GRID2: variants seen among roughly 807,000 people sequenced by gnomAD.
GRID2 encodes glutamate receptor ionotropic, delta-2.
A neutral mutation model predicts 114.8 loss-of-function variants in GRID2; 33 were observed. That is an observed-to-expected ratio of 0.29 (90% confidence interval 0.22 to 0.38). GRID2 has a LOEUF of 0.38. GRID2 is among the 10% of genes least tolerant of loss of function. The probability of loss-of-function intolerance (pLI) is 1.00; values close to 1 mark genes in which losing one functional copy is unlikely to be tolerated. For synonymous variants in GRID2, 505 were observed against 449.9 expected (o/e 1.12, Z -1.55); for missense variants, 1,184 against 1,257.7 (o/e 0.94, Z 0.89).
intron 1 of GRID2, among the ~76,000 whole-genome samples, chr4:92,589,387 G>A (rs774450571): frequency 2.0e-5 from 3 of 152,106 alleles, no homozygotes; most frequent in Non-Finnish European, 2.9e-5. Context: ...AACAAGTGAC[G>A]GTCAGTATTT....
intron 1 of GRID2, among the ~76,000 whole-genome samples, chr4:92,494,793 CAGT>C (rs935738071): frequency 1.3e-5 from 2 of 151,964 alleles, no homozygotes; most frequent in African/African-American, 4.8e-5. Context: ...GCTATGTACA[CAGT>C]AGCCATTTAG....
chr4:92,384,459 T>C (rs1173413075), intron 1 of GRID2, among the ~76,000 whole-genome samples: 5 of 56,894 alleles, frequency 8.8e-5, no homozygotes, highest in Non-Finnish European at 1.2e-4. Context: ...TATATATATA[T>C]ATATATATAT....
chr4:93,331,614 G>C (rs570113004), intron 8 of GRID2, among the ~76,000 whole-genome samples: 12 of 152,218 alleles, frequency 7.9e-5, no homozygotes, highest in African/African-American at 2.9e-4. Context: ...GCCTAGAAGA[G>C]TGGCTAGCAA....
chr4:93,485,652 T>C (rs1726313455), intron 11 of GRID2, among the ~76,000 whole-genome samples: 1 of 151,774 alleles, frequency 6.6e-6, no homozygotes, highest in South Asian at 2.1e-4. Context: ...CTATAGTACA[T>C]ACTTTAGTGC....
At chr4:92,758,088 AAGG>A (rs1461113614) in intron 2 of GRID2, among the ~76,000 whole-genome samples, 2 of 152,088 alleles carry the variant, frequency 1.3e-5, no homozygotes, top group African/African-American at 4.8e-5. Context: ...TAATTTCAAT[AAGG>A]AGAACAGATT....
At chr4:93,404,851 C>T (rs1766254709) in intron 9 of GRID2, among the ~76,000 whole-genome samples, 1 of 152,052 alleles carries the variant, frequency 6.6e-6, no homozygotes, top group Non-Finnish European at 1.5e-5. Flanking sequence ...GATATTCTAT[C>T]AAGAATTTAA....
intron 4 of GRID2, among the ~76,000 whole-genome samples, chr4:93,174,120 C>A (rs1739114518): frequency 6.6e-6 from 1 of 152,144 alleles, no homozygotes. Context: ...TTTCACAAGT[C>A]TTACATTCAC....
At chr4:92,924,254 TG>T (rs1309013782) in intron 2 of GRID2, among the ~76,000 whole-genome samples, 3 of 151,986 alleles carry the variant, frequency 2.0e-5, no homozygotes, top group African/African-American at 7.2e-5. Context: ...TGTTGTGTGT[TG>T]GGAGGAGTGG....
chr4:93,324,662 G>C (rs1384903230), intron 8 of GRID2, among the ~76,000 whole-genome samples: 2 of 152,102 alleles, frequency 1.3e-5, no homozygotes, highest in African/African-American at 4.8e-5. Context: ...AATCTGTCTG[G>C]TCCTGGACTT....
At chr4:92,956,255 G>C (rs1490930430) in intron 2 of GRID2, among the ~76,000 whole-genome samples, 1 of 152,132 alleles carries the variant, frequency 6.6e-6, no homozygotes, top group East Asian at 1.9e-4. Flanking sequence ...CGGGTTCACA[G>C]TTAAAGTTAG....
chr4:93,755,553 C>A (rs1732673538), intron 14 of GRID2, among the ~76,000 whole-genome samples: 1 of 152,090 alleles, frequency 6.6e-6, no homozygotes, highest in Non-Finnish European at 1.5e-5. Context: ...ACTTAGGAAT[C>A]CAGGTAGTCT....
chr4:92,713,069 A>G (rs964732802), intron 2 of GRID2, among the ~76,000 whole-genome samples: 1 of 151,502 alleles, frequency 6.6e-6, no homozygotes, highest in Non-Finnish European at 1.5e-5. Flanking sequence ...ATATGTATAC[A>G]TGTGCCATGT....
intron 14 of GRID2, among the ~76,000 whole-genome samples, chr4:93,667,400 T>C (rs950073500): frequency 4.6e-5 from 7 of 151,746 alleles, no homozygotes; most frequent in East Asian, 1.9e-4. Context: ...TTTTTTTTTT[T>C]CCAAAAATCT....
At chr4:93,158,062 A>G (rs1448944189) in intron 4 of GRID2, among the ~76,000 whole-genome samples, 1 of 151,838 alleles carries the variant, frequency 6.6e-6, no homozygotes, top group Non-Finnish European at 1.5e-5. Flanking sequence ...GTCATCCTCT[A>G]TTACACAACT....
intron 2 of GRID2, among the ~76,000 whole-genome samples, chr4:92,826,024 A>C (rs973114585): frequency 7.9e-5 from 12 of 152,072 alleles, no homozygotes; most frequent in Non-Finnish European, 1.3e-4. Flanking sequence ...TCCTGTTAAA[A>C]CACAAGTGGC....
intron 8 of GRID2, among the ~76,000 whole-genome samples, chr4:93,337,693 G>A (rs1308385251): frequency 1.3e-5 from 2 of 152,080 alleles, no homozygotes; most frequent in African/African-American, 4.8e-5. Context: ...CTGCTCACAA[G>A]ATATACAGAA....
At chr4:92,473,986 G>A (rs1722171334) in intron 1 of GRID2, among the ~76,000 whole-genome samples, 2 of 151,538 alleles carry the variant, frequency 1.3e-5, no homozygotes, top group South Asian at 4.2e-4. Context: ...GTGTGTGTGT[G>A]TGTGTGTGTG....
At chr4:93,412,234 C>A (rs200859675) in intron 9 of GRID2, among the ~76,000 whole-genome samples, 6 of 150,692 alleles carry the variant, frequency 4.0e-5, no homozygotes, top group South Asian at 2.1e-4. Flanking sequence ...ACCCATCCCC[C>A]CCCCCCAAAA....
At chr4:92,332,927 G>A (rs1229571597) in intron 1 of GRID2, among the ~76,000 whole-genome samples, 1 of 152,192 alleles carries the variant, frequency 6.6e-6, no homozygotes, top group East Asian at 1.9e-4. Context: ...CCTGGGCTCA[G>A]TCCACTCAGC....
Sources: allele counts gnomAD v4.1 joint callset (sites outside exome capture counted in the v4.1 genomes callset), GRCh38; gene constraint gnomAD v4.1.1; transcripts MANE v1.5; gene names NCBI Gene and HGNC (gene_info 2026-07-23, HGNC 2026-07-21).